Variants in FGF14 observed in about 807,000 individuals in gnomAD.
FGF14 encodes fibroblast growth factor 14.
FGF14 carries 5 observed loss-of-function variants against 25.5 expected under a neutral mutation model. The ratio of observed to expected loss-of-function variants is 0.20; its 90% confidence interval spans 0.10 to 0.41. The LOEUF (loss-of-function observed/expected upper bound fraction) is 0.41. Among genes scored for constraint, FGF14 ranks in the 10% least tolerant of loss-of-function variants. The probability of loss-of-function intolerance (pLI) is 1.00; values close to 1 mark genes in which losing one functional copy is unlikely to be tolerated. For synonymous variants in FGF14, 138 were observed against 118.3 expected, an observed-to-expected ratio of 1.17 and a Z score of -1.08; for missense variants, 222 against 320.1, an observed-to-expected ratio of 0.69 and a Z score of 2.34.
At chr13:102,205,583 C>T (rs1445296933) in intron 1 of FGF14, among the ~76,000 whole-genome samples, 3 of 151,814 alleles carry the variant, frequency 2.0e-5, no homozygotes, top group African/African-American at 7.3e-5. Context: ...AATTAATAAA[C>T]CACAGGAAGA....
chr13:102,317,340 C>A (rs1440760831), intron 1 of FGF14, among the ~76,000 whole-genome samples: 1 of 151,792 alleles, frequency 6.6e-6, no homozygotes, highest in Non-Finnish European at 1.5e-5. Flanking sequence ...CACCTGCATT[C>A]TGTATAGTGG....
chr13:102,378,595 ATATC>A (rs4000839), intron 1 of FGF14, among the ~76,000 whole-genome samples: 2,879 of 140,388 alleles, frequency 0.021, 39 homozygotes, highest in Admixed American at 0.028. Flanking sequence ...ATATATATCT[ATATC>A]TATCTATCTA....
chr13:102,163,948 A>T (rs77823363), intron 1 of FGF14, among the ~76,000 whole-genome samples: 7,910 of 152,220 alleles, frequency 0.052, 408 homozygotes, highest in East Asian at 0.21. Flanking sequence ...AACCTAACTT[A>T]AAAATCTGAT....
chr13:102,235,751 GGCACTGAAA>G (rs2051299667), intron 1 of FGF14, among the ~76,000 whole-genome samples: 1 of 152,166 alleles, frequency 6.6e-6, no homozygotes, highest in South Asian at 2.1e-4. Context: ...GATTGTCAGA[GGCACTGAAA>G]CCAGAGTGAC....
chr13:102,301,719 A>T (rs1398238246), intron 1 of FGF14, among the ~76,000 whole-genome samples: 3 of 151,952 alleles, frequency 2.0e-5, no homozygotes, highest in African/African-American at 7.3e-5. Flanking sequence ...ACTTTTCTTC[A>T]ATCTATGACG....
chr13:102,007,039 C>T (rs1467111860), intron 1 of FGF14, among the ~76,000 whole-genome samples: 10 of 151,920 alleles, frequency 6.6e-5, no homozygotes, highest in African/African-American at 1.7e-4. Flanking sequence ...CCACCGCGCC[C>T]GGCCAAAATC....
chr13:102,316,628 C>A (rs2056037053), intron 1 of FGF14, among the ~76,000 whole-genome samples: 1 of 152,122 alleles, frequency 6.6e-6, no homozygotes, highest in Non-Finnish European at 1.5e-5. Context: ...TGAACTATCT[C>A]TGTATATGTG....
At chr13:101,787,344 T>C (rs747091585) in intron 3 of FGF14, among the ~76,000 whole-genome samples, 22 of 152,234 alleles carry the variant, frequency 1.4e-4, no homozygotes, top group African/African-American at 5.1e-4. Flanking sequence ...TTTATGATTA[T>C]TGTCATATGA....
chr13:101,914,765 T>C (rs1343150171), intron 1 of FGF14, among the ~76,000 whole-genome samples: 1 of 152,214 alleles, frequency 6.6e-6, no homozygotes, highest in Admixed American at 6.5e-5. Context: ...TTGTTTATAT[T>C]AAAATAAGCT....
At chr13:102,398,717 A>G (rs2058635813) in intron 1 of FGF14, among the ~76,000 whole-genome samples, 1 of 151,952 alleles carries the variant, frequency 6.6e-6, no homozygotes, top group Non-Finnish European at 1.5e-5. Context: ...CCTGCAAAAG[A>G]TTTTAGGCTT....
At chr13:101,783,026 C>A (rs2039601667) in intron 3 of FGF14, among the ~76,000 whole-genome samples, 1 of 152,156 alleles carries the variant, frequency 6.6e-6, no homozygotes, top group African/African-American at 2.4e-5. Context: ...TCTCCACAAC[C>A]TTGCCAGCAT....
intron 1 of FGF14, among the ~76,000 whole-genome samples, chr13:101,884,177 G>A (rs563542102): frequency 2.4e-4 from 36 of 151,488 alleles, no homozygotes; most frequent in Non-Finnish European, 4.6e-4. Context: ...AAGCCTCTGT[G>A]ATCTGGCCTC....
At chr13:102,086,863 T>G (rs1343396680) in intron 1 of FGF14, among the ~76,000 whole-genome samples, 1 of 152,208 alleles carries the variant, frequency 6.6e-6, no homozygotes, top group Non-Finnish European at 1.5e-5. Flanking sequence ...TGCATTAGGC[T>G]TTTAAAACTT....
chr13:101,927,446 G>A (rs1280068228), intron 1 of FGF14, among the ~76,000 whole-genome samples: 2 of 152,162 alleles, frequency 1.3e-5, no homozygotes, highest in Non-Finnish European at 2.9e-5. Context: ...AATGGGCTTC[G>A]TGATCCTCTC....
At chr13:102,284,694 T>C (rs2054009204) in intron 1 of FGF14, among the ~76,000 whole-genome samples, 2 of 152,198 alleles carry the variant, frequency 1.3e-5, no homozygotes, top group Non-Finnish European at 2.9e-5. Context: ...TATAAAATAA[T>C]AGAAACACAA....
intron 1 of FGF14, among the ~76,000 whole-genome samples, chr13:102,118,247 G>C (rs1171811738): frequency 6.6e-6 from 1 of 151,816 alleles, no homozygotes; most frequent in African/African-American, 2.4e-5. Context: ...CATCATTGTA[G>C]TTATATACGT....
intron 1 of FGF14, among the ~76,000 whole-genome samples, chr13:102,060,325 A>C (rs2042624584): frequency 6.6e-6 from 1 of 152,160 alleles, no homozygotes; most frequent in South Asian, 2.1e-4. Flanking sequence ...AGAGATCGAG[A>C]CCATCCTGGC....
intron 1 of FGF14, chr13:102,263,128 A>G: frequency 1.6e-6 from 1 of 619,620 alleles, no homozygotes; most frequent in Non-Finnish European, 3.1e-6. Context: ...TCCACTGGGG[A>G]ATGGGATGAT....
At chr13:101,745,711 A>G (rs1053668172) in intron 3 of FGF14, among the ~76,000 whole-genome samples, 1 of 152,044 alleles carries the variant, frequency 6.6e-6, no homozygotes, top group East Asian at 1.9e-4. Context: ...ATACTGTTTT[A>G]AATGTAGATG....
Sources: gnomAD v4.1 joint callset for allele counts (sites outside exome capture counted in the v4.1 genomes callset) on GRCh38, gnomAD v4.1.1 for gene constraint, MANE v1.5 for transcripts, NCBI Gene and HGNC (gene_info 2026-07-23, HGNC 2026-07-21) for gene names.